The following DNAH1 variants were observed in gnomAD, a reference collection of about 807,000 sequenced individuals.
DNAH1 encodes the protein dynein axonemal heavy chain 1.
A neutral mutation model predicts 484.3 loss-of-function variants in DNAH1; 327 were observed. The observed-to-expected ratio is 0.68, with a 90% CI of 0.62 to 0.74. The LOEUF is 0.74. DNAH1 is among the 30% of genes least tolerant of loss of function. DNAH1 has a pLI of 0.00. For missense variants in DNAH1, 5,052 were observed against 5,546.8 expected, an observed-to-expected ratio of 0.91 and a Z score of 2.83; for synonymous variants, 2,192 against 2,191.9, an observed-to-expected ratio of 1.00 and a Z score of 0.00.
At chr3:52,377,462 A>G (rs533645472) in intron 46 of DNAH1, among the ~76,000 whole-genome samples, 50 of 151,786 alleles carry the variant, frequency 3.3e-4, no homozygotes, top group South Asian at 1.5e-3. Context: ...CCTAAGGTCT[A>G]TCTTCCGCTT....
chr3:52,340,875 A>ATTTTTTTTTTTTTTTTTTTTTTTTT (rs112227628), intron 8 of DNAH1, among the ~76,000 whole-genome samples: 1 of 150,710 alleles, frequency 6.6e-6, no homozygotes, highest in Non-Finnish European at 1.5e-5. Flanking sequence ...TTTTTTTTTA[A>ATTTTTTTTTTTTTTTTTTTTTTTTT]TTTACAGATA....
chr3:52,317,890 G>T (rs955924201), intron 1 of DNAH1: 3 of 152,370 alleles, frequency 2.0e-5, no homozygotes, highest in Non-Finnish European at 4.4e-5. Context: ...TCCCCGCACT[G>T]CTCGGTGGAA....
chr3:52,356,581 T>A, intron 21 of DNAH1, 33 bp from the exon 22 acceptor site: 1 of 1,610,550 alleles, frequency 6.2e-7, no homozygotes, highest in Non-Finnish European at 8.5e-7. Context: ...TGACAGTCCA[T>A]ATCACACCCC....
At chr3:52,375,455 C>A in intron 45 of DNAH1, 42 bp downstream of exon 45, 1 of 1,590,356 alleles carries the variant, frequency 6.3e-7, no homozygotes, top group Non-Finnish European at 8.6e-7. Context: ...GGCAGAAGCC[C>A]AGGCCAGGGA....
Position 52,386,326 on chromosome 3 carries a change from A to G in DNAH1, c.8792A>G (p.Asn2931Ser), listed in dbSNP as rs1343303452. Residue 2931 changes from asparagine (N) to serine (S), a missense_variant, in exon 55 of 78, where the codon AAC (asparagine) becomes AGC (serine). Coordinates refer to ENST00000420323, the MANE Select transcript of DNAH1 (RefSeq NM_015512.5). ...GCTCTGGCCAGCCTGCGCAACCTCA[A>G]CAAGAACGATGTGACCGAGGTGGGC... The part of the protein sequence containing the change: ...DAALASLRNL[N>S]KNDVTEVRAM... The G allele has an allele frequency of 1.3e-6, 2 of 1,586,592 alleles. No homozygotes were observed. Among genetic ancestry groups the G allele is most frequent in the African/African-American group, 1.3e-5 (1 of 74,316 alleles).
chr3:52,364,735 C>T lies in DNAH1; in HGVS notation c.5331+11C>T. 1 of 1,611,344 alleles carries T rather than the reference C, an allele frequency of 6.2e-7. No individual in the cohort carries two copies. The highest frequency in any genetic ancestry group is 8.5e-7 in the Non-Finnish European group (1 of 1,178,438). ...CCCAGCATGAATGAGGTGAGCTCCA[C>T]CCAGCAGGGCTCCAGGAGTGGAACT... On this transcript the variant is annotated intron_variant, in intron 33 of 77. Transcript: ENST00000420323. The surrounding 1 kb of genome is among the most constrained non-coding windows in gnomAD (Gnocchi z 4.2).
rs754698653 is a variant in DNAH1, at chr3:52,331,275, G to A, written c.999G>A (p.Gly333=). ...DEKGLVRDEM[G]RPILNAGVTT... ...AAGGCCTGGTGCGAGATGAGATGGGGAGGCCCATCCTGAATGCAGGGGTCA... is the reference window on the plus strand; with the variant it reads ...AAGGCCTGGTGCGAGATGAGATGGGAAGGCCCATCCTGAATGCAGGGGTCA... Residue 333 remains glycine, a synonymous_variant, in exon 7 of 78, where the codon GGG becomes GGA. Coordinates refer to ENST00000420323, the MANE Select transcript of DNAH1 (RefSeq NM_015512.5). The A allele has an allele frequency of 6.8e-6, 11 of 1,610,636 alleles. No individual in the cohort carries two copies. The South Asian group carries it at 1.2e-4, about 18-fold the overall frequency.
At chr3:52,326,463 T>A (rs1701349236) in intron 4 of DNAH1, 149 bp downstream of exon 4, 1 of 1,116,196 alleles carries the variant, frequency 9.0e-7, no homozygotes, top group African/African-American at 1.6e-5. Context: ...CTTTGGTGTC[T>A]TAATAGGAAC....
At chr3:52,346,419 A>T (rs1702142659) in intron 10 of DNAH1, 53 bp from the exon 11 acceptor site, 1 of 1,529,890 alleles carries the variant, frequency 6.5e-7, no homozygotes. Context: ...GAGTGCAGCT[A>T]TAGGTCGTGG....
chr3:52,373,551 G>A, intron 44 of DNAH1: 1 of 1,477,760 alleles, frequency 6.8e-7, no homozygotes, highest in Non-Finnish European at 9.4e-7. Flanking sequence ...TAAAATAAAA[G>A]TACCCGTCTC....
rs372066368 is a variant in DNAH1, at chr3:52,377,908, G to A, written c.7199-694G>A. Among the ~76,000 whole-genome samples the A allele has an allele frequency of 8.2e-4, 124 of 152,098 alleles. 1 individual carries two copies. In the Middle Eastern group the frequency reaches 0.017, roughly 21 times the overall value. On this transcript the variant is annotated intron_variant, in intron 46 of 77. Coordinates refer to ENST00000420323, the MANE Select transcript of DNAH1 (RefSeq NM_015512.5). ...GTTACTTGCTAATCCACTCATTGTC[G>A]TCCTTACCAACAAGAGTGTCAGCTT...
In DNAH1 at chr3:52,326,826, C is replaced by T. The variant is rs755961474; in HGVS notation, c.673C>T (p.His225Tyr). ...SNKLMPRHLD[H>Y]QHPQTIEQGH... ...CAAGCTCATGCCCAGGCACCTGGAC[C>T]ACCAGCACCCCCAAACCATCGAACA... is the stretch of plus-strand genomic sequence containing the variant. Residue 225 changes from histidine to tyrosine, a missense_variant, in exon 5 of 78, where the codon CAC (histidine) becomes TAC (tyrosine). His to Tyr is a moderately conservative substitution (Grantham distance 83, BLOSUM62 2). Around this residue, in one of 4 missense-constraint regions of DNAH1, gnomAD observed 1,263 missense variants for 1,218.8 expected, o/e 1.04. Coordinates refer to ENST00000420323, the MANE Select transcript of DNAH1 (RefSeq NM_015512.5). 2 of 1,613,718 alleles carry T rather than the reference C, an allele frequency of 1.2e-6. No individual in the cohort carries two copies. The highest frequency in any genetic ancestry group is 3.3e-5 in the Admixed American group (2 of 59,982).
At position 52,353,914 on chromosome 3, in the gene DNAH1, G is replaced by A. The variant is rs1206518840; in HGVS notation, c.3480+281G>A. The A allele has an allele frequency of 3.1e-5, 13 of 425,840 alleles. No individual in the cohort carries two copies. Among genetic ancestry groups the A allele is most frequent in the Middle Eastern group, 6.1e-4 (1 of 1,628 alleles). 26.4% of individuals were successfully genotyped at this position (425,840 alleles called of 1,614,324 possible). ...CTCAATTTAACAGATGTGTCAGGCC[G>A]GGTGCAGTGACACATGCCTGTAAAT... is the stretch of plus-strand genomic sequence containing the variant. On this transcript the variant is annotated intron_variant, in intron 20 of 77. Coordinates refer to ENST00000420323, the MANE Select transcript of DNAH1 (RefSeq NM_015512.5). The surrounding 1 kb of genome is among the most constrained non-coding windows in gnomAD (Gnocchi z 5.0).
At chr3:52,366,341 ATGAGGAAAT>A (rs1703070959) in intron 34 of DNAH1, 107 bp from the exon 35 acceptor site, 6 of 769,618 alleles carry the variant, frequency 7.8e-6, no homozygotes, top group Non-Finnish European at 1.1e-5. Context: ...CATTTTATAG[ATGAGGAAAT>A]TGAGGCTCAG....
At position 52,370,651 on chromosome 3, in the gene DNAH1, C is replaced by T. The variant is rs1419819952; in HGVS notation, c.6417+16C>T. 1 of 1,605,634 alleles carries T rather than the reference C, an allele frequency of 6.2e-7. No homozygotes were observed. The highest frequency in any genetic ancestry group is 8.5e-7 in the Non-Finnish European group (1 of 1,176,122). On this transcript the variant is annotated intron_variant, in intron 40 of 77. Coordinates refer to ENST00000420323, the MANE Select transcript of DNAH1 (RefSeq NM_015512.5). ...GAACGAACAGGTGAGAGCCGGCGGC[C>T]CCCAGGGACCAGGAGCCTCAGTCCT...
At position 52,397,724 on chromosome 3, in the gene DNAH1, CAA is replaced by C; in HGVS notation, c.11806_11807del (p.Lys3936GlufsTer6). The C allele has an allele frequency of 6.2e-7, 1 of 1,610,492 alleles. No individual in the cohort carries two copies. The highest frequency in any genetic ancestry group is 1.1e-5 in the South Asian group (1 of 90,470). ...TCTCCTAGGGCTACCTCTCCTACATCAAGAGCCTCCCACTCAATGATATGCCT... is the reference window on the plus strand; with the variant it reads ...TCTCCTAGGGCTACCTCTCCTACATCGAGCCTCCCACTCAATGATATGCCT... ...YDLHGYLSYI[K>X]SLPLNDMPEI... On this transcript the variant is annotated frameshift_variant, in exon 74 of 78. Coordinates refer to ENST00000420323, the MANE Select transcript of DNAH1 (RefSeq NM_015512.5). LOFTEE classifies it high-confidence loss of function.
chr3:52,399,511 T>C (rs1392693575), intron 76 of DNAH1, 34 bp from the exon 77 acceptor site: 14 of 1,551,310 alleles, frequency 9.0e-6, no homozygotes, highest in Non-Finnish European at 1.2e-5. Flanking sequence ...TGGGTATTGT[T>C]ATGTGTGTGG....
rs1704602766 is a variant in DNAH1, at chr3:52,395,937, CCT to C, written c.11259+260_11259+261del. On this transcript the variant is annotated intron_variant, in intron 70 of 77. Transcript: ENST00000420323. The surrounding 1 kb of genome is among the most constrained non-coding windows in gnomAD (Gnocchi z 4.4). ...ACCGTGACCTGGGACTTGCCAAAGC[CCT>C]TTTTTTTTTTTTTTTTTCAGACGGA... Among the ~76,000 whole-genome samples the C allele has an allele frequency of 1.3e-5, 2 of 150,762 alleles. No individual in the cohort carries two copies. Among genetic ancestry groups the C allele is most frequent in the African/African-American group, 4.9e-5 (2 of 40,740 alleles).
At position 52,372,063 on chromosome 3, in the gene DNAH1, A is replaced by T; in HGVS notation, c.6643A>T (p.Met2215Leu). Residue 2215 changes from methionine to leucine, a missense_variant, in exon 42 of 78, where the codon ATG becomes TTG. This residue lies in a region of DNAH1 where 2,929 missense variants were observed against 3,409.4 expected (regional missense o/e 0.86). Transcript: ENST00000420323. ...CGTGCAGATGTCCCATTTACTGGACATGCTGCTCACCAACAAGAAGCCCGT... is the reference window on the plus strand; with the variant it reads ...CGTGCAGATGTCCCATTTACTGGACTTGCTGCTCACCAACAAGAAGCCCGT... ...DTVQMSHLLDMLLTNKKPVLC... is the reference protein window; with the variant it reads ...DTVQMSHLLDLLLTNKKPVLC... 6.2e-7 allele frequency: 1 copy of T among 1,613,774 alleles called. No individual in the cohort carries two copies. Among genetic ancestry groups the T allele is most frequent in the Non-Finnish European group, 8.5e-7 (1 of 1,179,840 alleles).
Sources: gnomAD v4.1 joint callset for allele counts (sites outside exome capture counted in the v4.1 genomes callset) on GRCh38, gnomAD v4.1.1 for gene constraint, gnomAD v4.1.1 regional missense constraint, Gnocchi (gnomAD v3.1) non-coding constraint, MANE v1.5 for transcripts, NCBI Gene and HGNC (gene_info 2026-07-23, HGNC 2026-07-21) for gene names.